ATRNL1: variants seen among roughly 807,000 people sequenced by gnomAD.
ATRNL1 encodes attractin like 1.
In ATRNL1, 95 loss-of-function variants were observed where a neutral mutation model predicts 182.7. The observed-to-expected ratio is 0.52, with a 90% CI of 0.44 to 0.62. The LOEUF (loss-of-function observed/expected upper bound fraction) is 0.62. Among genes scored for constraint, ATRNL1 ranks in the 20% least tolerant of loss-of-function variants. ATRNL1 has a pLI of 0.00. For missense variants in ATRNL1, 1,471 were observed against 1,679.5 expected (o/e 0.88, Z 2.17); for synonymous variants, 576 against 568.3 (o/e 1.01, Z -0.19).
intron 24 of ATRNL1, among the ~76,000 whole-genome samples, chr10:115,509,238 CA>C (rs1850267400): frequency 6.6e-6 from 1 of 152,136 alleles, no homozygotes; most frequent in African/African-American, 2.4e-5. Flanking sequence ...AGCTCATTCA[CA>C]GTATACCTAG....
At chr10:115,365,437 G>A (rs1173786726) in intron 19 of ATRNL1, among the ~76,000 whole-genome samples, 1 of 151,836 alleles carries the variant, frequency 6.6e-6, no homozygotes, top group African/African-American at 2.4e-5. Context: ...CTTGCTAGCG[G>A]TCTATGAATT....
chr10:115,109,788 T>C (rs1844181319), intron 1 of ATRNL1, among the ~76,000 whole-genome samples: 1 of 152,220 alleles, frequency 6.6e-6, no homozygotes, highest in Non-Finnish European at 1.5e-5. Context: ...TCAGCACACA[T>C]GACCTAGCTC....
intron 21 of ATRNL1, among the ~76,000 whole-genome samples, chr10:115,430,421 C>T (rs1419387801): frequency 1.3e-5 from 2 of 151,922 alleles, no homozygotes; most frequent in Non-Finnish European, 2.9e-5. Flanking sequence ...TTAAAATTAT[C>T]ATTTTTTTAC....
chr10:115,921,366 T>C lies in ATRNL1; in HGVS notation c.4019-23292T>C, dbSNP rs555532018. Among the ~76,000 whole-genome samples, 28 of 152,238 alleles carry C rather than the reference T, an allele frequency of 1.8e-4. 2 individuals carry two copies. In the South Asian group the frequency reaches 5.2e-3, roughly 28 times the overall value. On this transcript the variant is annotated intron_variant, in intron 28 of 28. Transcript: ENST00000355044. ...AGAAGTTTATATGTGAACTAAAATG[T>C]ATTAAAGGATAAAAAAGCAATATGT...
chr10:115,538,153 G>A (rs1852148818), intron 25 of ATRNL1, among the ~76,000 whole-genome samples: 1 of 152,174 alleles, frequency 6.6e-6, no homozygotes, highest in South Asian at 2.1e-4. Context: ...TAATGCTGCT[G>A]TGATCAACAT....
chr10:115,612,825 G>A (rs1565213168), intron 26 of ATRNL1, among the ~76,000 whole-genome samples: 1 of 152,140 alleles, frequency 6.6e-6, no homozygotes, highest in African/African-American at 2.4e-5. Flanking sequence ...TGACACAAAT[G>A]ACTCCATTTG....
At chr10:115,845,597 A>G (rs1950909902) in intron 27 of ATRNL1, among the ~76,000 whole-genome samples, 1 of 152,036 alleles carries the variant, frequency 6.6e-6, no homozygotes, top group Non-Finnish European at 1.5e-5. Flanking sequence ...TTGATGTACT[A>G]CTGAATCATT....
chr10:115,572,335 A>G (rs1173601557), intron 26 of ATRNL1, among the ~76,000 whole-genome samples: 1 of 152,202 alleles, frequency 6.6e-6, no homozygotes, highest in Admixed American at 6.5e-5. Context: ...TTTGGACTAC[A>G]TAGGTGGTAA....
intron 24 of ATRNL1, among the ~76,000 whole-genome samples, chr10:115,484,619 C>T (rs1392050601): frequency 6.6e-6 from 1 of 151,490 alleles, no homozygotes; most frequent in Non-Finnish European, 1.5e-5. Flanking sequence ...CTTTGAATTC[C>T]CATAGCATCT....
At chr10:115,908,784 T>C (rs1165765643) in intron 28 of ATRNL1, among the ~76,000 whole-genome samples, 1 of 152,174 alleles carries the variant, frequency 6.6e-6, no homozygotes, top group Non-Finnish European at 1.5e-5. Flanking sequence ...CTGCTACTGG[T>C]TCCCTAATGC....
chr10:115,340,145 TTTC>T (rs1481848733), intron 19 of ATRNL1, among the ~76,000 whole-genome samples: 3 of 152,120 alleles, frequency 2.0e-5, no homozygotes, highest in Non-Finnish European at 4.4e-5. Flanking sequence ...GGCCTGTAGT[TTTC>T]TTTGTTTGTT....
intron 1 of ATRNL1, among the ~76,000 whole-genome samples, chr10:115,112,068 C>CAA (rs34563525): frequency 2.3e-4 from 35 of 150,026 alleles, no homozygotes; most frequent in African/African-American, 4.2e-4. Flanking sequence ...AAAAAAAACC[C>CAA]AAAAAAAAAC....
At chr10:115,219,649 T>C (rs1849368897) in intron 9 of ATRNL1, among the ~76,000 whole-genome samples, 1 of 152,238 alleles carries the variant, frequency 6.6e-6, no homozygotes, top group Non-Finnish European at 1.5e-5. Flanking sequence ...ATGCCTGTGA[T>C]GCCAGCACTT....
At chr10:115,438,858 A>G (rs149102875) in intron 21 of ATRNL1, among the ~76,000 whole-genome samples, 38 of 151,958 alleles carry the variant, frequency 2.5e-4, no homozygotes, top group African/African-American at 8.0e-4. Context: ...GGAGAGAAAC[A>G]TAACTACAGT....
At chr10:115,730,547 G>GTGTGT (rs767807963) in intron 27 of ATRNL1, among the ~76,000 whole-genome samples, 1 of 151,970 alleles carries the variant, frequency 6.6e-6, no homozygotes, top group Non-Finnish European at 1.5e-5. Flanking sequence ...GTGTCCATAT[G>GTGTGT]TGTGTGTATG....
intron 21 of ATRNL1, among the ~76,000 whole-genome samples, chr10:115,439,151 C>T (rs1472451798): frequency 3.3e-5 from 5 of 151,670 alleles, no homozygotes; most frequent in Admixed American, 1.3e-4. Flanking sequence ...GGAAATGGAT[C>T]GTCATAAAGG....
At chr10:115,389,273 G>A (rs114860995) in intron 19 of ATRNL1, among the ~76,000 whole-genome samples, 3,099 of 151,782 alleles carry the variant, frequency 0.02, 111 homozygotes, top group African/African-American at 0.072. Flanking sequence ...TTGGGAGGCC[G>A]CGGATGGCGG....
At chr10:115,237,282 G>A (rs1554901668) in intron 9 of ATRNL1, among the ~76,000 whole-genome samples, 1 of 152,164 alleles carries the variant, frequency 6.6e-6, no homozygotes, top group African/African-American at 2.4e-5. Flanking sequence ...TTCCTGGATG[G>A]TATGGTAAAG....
intron 13 of ATRNL1, among the ~76,000 whole-genome samples, chr10:115,272,132 T>C (rs1410839008): frequency 6.6e-6 from 1 of 152,230 alleles, no homozygotes. Context: ...GCAGAGCAGA[T>C]GCTGGTGCCA....
Sources: gnomAD v4.1 joint callset for allele counts (sites outside exome capture counted in the v4.1 genomes callset) on GRCh38, gnomAD v4.1.1 for gene constraint, MANE v1.5 for transcripts, NCBI Gene and HGNC (gene_info 2026-07-23, HGNC 2026-07-21) for gene names.